The following NRL variants were observed in gnomAD, a reference collection of about 807,000 sequenced individuals.
NRL encodes neural retina-specific leucine zipper protein.
Under a neutral mutation model 12.5 loss-of-function variants are expected in NRL, and 16 were observed. The observed-to-expected ratio is 1.28, with a 90% CI of 0.87 to 1.95. The LOEUF is 1.95. NRL is among the 30% of genes most tolerant of loss of function. NRL has a pLI of 0.00. For synonymous variants in NRL, 142 were observed against 150.9 expected (o/e 0.94, Z 0.43); for missense variants, 314 against 325.8 (o/e 0.96, Z 0.28).
In NRL at chr14:24,114,743, T is replaced by C. The variant is rs1469355445; in HGVS notation, c.-49A>G. 1.0e-6 allele frequency: 1 copy of C among 985,964 alleles called. No individual in the cohort carries two copies. The highest frequency in any genetic ancestry group is 1.2e-6 in the Non-Finnish European group (1 of 829,968). 61.1% of individuals were successfully genotyped at this position (985,964 alleles called of 1,614,324 possible). A position where few individuals can be genotyped will look rare whatever the true frequency, so the allele number is the denominator to read the frequency against. ...CTACCTATCAATCATCGTGCTCCGC[T>C]GTCCAGTTGGCTGGCCAAGGGGGCG... On this transcript the variant is annotated 5_prime_UTR_variant, in exon 1 of 3. Transcript: ENST00000561028.
rs139247911 is a variant in NRL at position 24,096,418 on chromosome 14, T to G, written c.-27-13543A>C. 1.5e-3 allele frequency among the ~76,000 whole-genome samples: 222 copies of G among 152,184 alleles called. 1 individual carries two copies. The highest frequency in any genetic ancestry group is 5.1e-3 in the African/African-American group (211 of 41,512). ...CACATCCGGCTAATTTTTATATTTT[T>G]AGTAGATGGGGTTTCACCATGTTGC... On this transcript the variant is annotated intron_variant, in intron 1 of 2. Transcript: ENST00000561028.
chr14:24,103,625 T>C (rs765513891), intron 1 of NRL: 1 of 1,614,032 alleles, frequency 6.2e-7, no homozygotes, highest in Non-Finnish European at 8.5e-7. Flanking sequence ...AGCTGCCCCG[T>C]ATCTTCCATG....
At chr14:24,087,469 G>A (rs2036494701) in intron 1 of NRL, among the ~76,000 whole-genome samples, 1 of 152,104 alleles carries the variant, frequency 6.6e-6, no homozygotes, top group African/African-American at 2.4e-5. Context: ...AAAATGAAGA[G>A]GAAGGAGAGA....
At chr14:24,103,148 T>A (rs376532057) in intron 1 of NRL, 1 of 1,602,854 alleles carries the variant, frequency 6.2e-7, no homozygotes, top group South Asian at 1.1e-5. Context: ...ACTCTGTTCA[T>A]TGGTGATCTA....
rs75497728 is a variant in NRL, at chr14:24,099,114, C to T, written c.-28+15608G>A. 2,194 of 1,612,112 alleles carry T rather than the reference C, an allele frequency of 1.4e-3. 19 individuals are homozygous for T. The East Asian group carries it at 0.025, about 19-fold the overall frequency. ...CCTGATTGGCCACGTGCCCGACCAG[C>T]GGGAGATCATCTCCTTCGGCAGCGG... On this transcript the variant is annotated intron_variant, in intron 1 of 2. Transcript: ENST00000561028.
At chr14:24,098,546 C>T (rs2037006067) in intron 1 of NRL, 1 of 1,614,078 alleles carries the variant, frequency 6.2e-7, no homozygotes, top group South Asian at 1.1e-5. Flanking sequence ...CGGGGTGCAG[C>T]TCACTGACTC....
At chr14:24,090,047 G>T (rs73603077) in intron 1 of NRL, among the ~76,000 whole-genome samples, 3,316 of 152,132 alleles carry the variant, frequency 0.022, 50 homozygotes, top group East Asian at 0.066. Context: ...TATTCTAAGA[G>T]CAGGGAGAAG....
intron 1 of NRL, 185 bp downstream of exon 1, chr14:24,114,537 C>T (rs1268752543): frequency 2.6e-5 from 8 of 306,630 alleles, no homozygotes; most frequent in Non-Finnish European, 3.8e-5. Context: ...TAAAATACCT[C>T]TCGGTAGCGA....
At position 24,079,704 on chromosome 14, in the gene NRL, G is replaced by A. The variant is rs746139456; in HGVS notation, c.*1532C>T. The stretch of plus-strand genomic sequence containing the variant: ...TATGGGAGCCTCTTCCCCCATGCCC[G>A]AAAGCTTCTCCCATTTATTATGTCC... On this transcript the variant is annotated 3_prime_UTR_variant, in exon 3 of 3. Coordinates refer to ENST00000561028, the MANE Select transcript of NRL (RefSeq NM_001354768.3). 5.9e-5 allele frequency among the ~76,000 whole-genome samples: 9 copies of A among 152,300 alleles called. No homozygotes were observed. The highest frequency in any genetic ancestry group is 3.9e-4 in the East Asian group (2 of 5,182).
In NRL at chr14:24,081,657, G is replaced by T; in HGVS notation, c.382-89C>A. The T allele has an allele frequency of 6.5e-7, 1 of 1,534,868 alleles. No individual in the cohort carries two copies. Among genetic ancestry groups the T allele is most frequent in the South Asian group, 1.2e-5 (1 of 83,422 alleles). On this transcript the variant is annotated intron_variant, in intron 2 of 2. Coordinates refer to ENST00000561028, the MANE Select transcript of NRL (RefSeq NM_001354768.3). This position sits in a 1 kb window ranked among gnomAD's most constrained non-coding sequence, Gnocchi z 4.4. ...CCGACGCTACCTGGCTCCGCCCCGG[G>T]ACAGCCCCGCCCCGGCTCCCACCTT... is the stretch of plus-strand genomic sequence containing the variant.
intron 1 of NRL, chr14:24,102,823 CCCAG>C: frequency 6.2e-7 from 1 of 1,613,830 alleles, no homozygotes; most frequent in African/African-American, 1.3e-5. Context: ...CCATCATGGA[CCCAG>C]CCTGGGAGGC....
chr14:24,091,335 G>A (rs910579275), intron 1 of NRL, among the ~76,000 whole-genome samples: 2 of 152,172 alleles, frequency 1.3e-5, no homozygotes, highest in African/African-American at 4.8e-5. Context: ...ATTTTTAGTA[G>A]AGACGGGGTT....
At chr14:24,087,952 G>A (rs2036504959) in intron 1 of NRL, among the ~76,000 whole-genome samples, 1 of 152,096 alleles carries the variant, frequency 6.6e-6, no homozygotes, top group Non-Finnish European at 1.5e-5. Context: ...TCAGGAGCCT[G>A]GGGAGGATGA....
At chr14:24,106,992 A>G (rs1249387948) in intron 1 of NRL, among the ~76,000 whole-genome samples, 2 of 152,238 alleles carry the variant, frequency 1.3e-5, no homozygotes, top group Non-Finnish European at 2.9e-5. Flanking sequence ...CCGAATAACC[A>G]TTTAATACAT....
Position 24,082,598 on chromosome 14 carries a change from G to A in NRL, c.251C>T (p.Ala84Val). Residue 84 changes from alanine to valine, a missense_variant, in exon 2 of 3, where the codon GCT becomes GTT. Coordinates refer to ENST00000561028, the MANE Select transcript of NRL (RefSeq NM_001354768.3). ...AGGACTCAGCCCCAATGCCTCCCCA[G>A]CCCCCAGCTGCTGCTGCAGGGTAGC... ...WLATLQQQLG[A>V]GEALGLSPEE... 2 of 1,613,808 alleles carry A rather than the reference G, an allele frequency of 1.2e-6. No homozygotes were observed. Among genetic ancestry groups the A allele is most frequent in the Non-Finnish European group, 1.7e-6 (2 of 1,180,014 alleles).
At position 24,094,393 on chromosome 14, in the gene NRL, C is replaced by CT; in HGVS notation, c.-27-11519dup. ...TCGGTTCCTGGCCACCCCGCAGCCC[C>CT]TGCCCAGGTGCCATGGCCGCATTGT... On this transcript the variant is annotated intron_variant, in intron 1 of 2. Coordinates refer to ENST00000561028, the MANE Select transcript of NRL (RefSeq NM_001354768.3). This position sits in a 1 kb window ranked among gnomAD's most constrained non-coding sequence, Gnocchi z 4.1. 1.3e-6 allele frequency: 2 copies of CT among 1,553,992 alleles called. No individual in the cohort carries two copies. Among genetic ancestry groups the CT allele is most frequent in the Non-Finnish European group, 1.7e-6 (2 of 1,153,902 alleles).
intron 1 of NRL, chr14:24,098,309 C>G: frequency 1.2e-6 from 2 of 1,614,094 alleles, no homozygotes; most frequent in Non-Finnish European, 1.7e-6. Flanking sequence ...TGGTGGGGCC[C>G]GTGGGCAGCT....
chr14:24,112,399 G>A (rs561369511), intron 1 of NRL, among the ~76,000 whole-genome samples: 16 of 151,076 alleles, frequency 1.1e-4, no homozygotes, highest in African/African-American at 3.9e-4. Context: ...AAACTAAAGA[G>A]CTTCTGCACA....
At chr14:24,098,163 C>G (rs1157570850) in intron 1 of NRL, 1 of 1,551,582 alleles carries the variant, frequency 6.4e-7, no homozygotes, top group Non-Finnish European at 8.7e-7. Flanking sequence ...CAAGGGAAAC[C>G]TGCTGGCCAC....
Sources: allele counts gnomAD v4.1 joint callset (sites outside exome capture counted in the v4.1 genomes callset), GRCh38; gene constraint gnomAD v4.1.1; non-coding constraint Gnocchi (gnomAD v3.1); transcripts MANE v1.5; gene names NCBI Gene and HGNC (gene_info 2026-07-23, HGNC 2026-07-21).